Variants in LYRM4 observed in about 807,000 individuals in gnomAD.
The protein encoded by LYRM4 is LYR motif containing 4.
Under a neutral mutation model 11.7 loss-of-function variants are expected in LYRM4, and 9 were observed. The observed-to-expected ratio is 0.77, with a 90% CI of 0.46 to 1.34. The LOEUF (loss-of-function observed/expected upper bound fraction) is 1.34, where lower values mean the gene tolerates loss of function less well. LYRM4 is among the 40% of genes most tolerant of loss of function. The probability of loss-of-function intolerance (pLI) is 0.00; values close to 1 mark genes in which losing one functional copy is unlikely to be tolerated. For missense variants in LYRM4, 133 were observed against 112.5 expected (o/e 1.18, Z -0.82); for synonymous variants, 42 against 40.4 (o/e 1.04, Z -0.15).
At chr6:5,184,781 A>G (rs1028773091) in intron 2 of LYRM4, among the ~76,000 whole-genome samples, 1 of 152,224 alleles carries the variant, frequency 6.6e-6, no homozygotes, top group African/African-American at 2.4e-5. Flanking sequence ...GCTAAAAAAG[A>G]CAGTCCCTGA....
chr6:5,240,661 C>G (rs369485893), intron 1 of LYRM4: 8 of 152,108 alleles, frequency 5.3e-5, no homozygotes, highest in African/African-American at 1.9e-4. Context: ...ATTGTAAACC[C>G]GCAGCAGTAG....
the LYRM4 span, among the ~76,000 whole-genome samples, chr6:5,091,673 A>G: frequency 6.6e-6 from 1 of 152,248 alleles, no homozygotes; most frequent in Non-Finnish European, 1.5e-5. Flanking sequence ...CTTCCTTTTA[A>G]GATTTGCTGG....
chr6:5,187,462 C>T (rs1300809744), intron 2 of LYRM4, among the ~76,000 whole-genome samples: 1 of 152,114 alleles, frequency 6.6e-6, no homozygotes, highest in Admixed American at 6.5e-5. Flanking sequence ...AGTATTTGAC[C>T]ATTAAAAATA....
At chr6:5,077,566 A>G in the LYRM4 span, among the ~76,000 whole-genome samples, 1 of 152,362 alleles carries the variant, frequency 6.6e-6, no homozygotes, top group East Asian at 1.9e-4. Flanking sequence ...GAGTATTTAC[A>G]GTCATCCAAA....
intron 2 of LYRM4, among the ~76,000 whole-genome samples, chr6:5,207,077 A>C (rs1160576819): frequency 6.6e-6 from 1 of 152,222 alleles, no homozygotes; most frequent in East Asian, 1.9e-4. Context: ...ATAGACAGCT[A>C]CTGAGTAAGT....
chr6:5,127,509 C>T (rs1763749644), intron 2 of LYRM4, among the ~76,000 whole-genome samples: 1 of 152,206 alleles, frequency 6.6e-6, no homozygotes, highest in South Asian at 2.1e-4. Flanking sequence ...TAGACTTGTG[C>T]TACTCCATTG....
chr6:5,115,776 A>G (rs1763091338), intron 2 of LYRM4, among the ~76,000 whole-genome samples: 1 of 152,232 alleles, frequency 6.6e-6, no homozygotes, highest in East Asian at 1.9e-4. Context: ...TTCCAGTATG[A>G]CAATTTTATG....
chr6:5,076,276 C>T, the LYRM4 span, among the ~76,000 whole-genome samples: 1 of 151,620 alleles, frequency 6.6e-6, no homozygotes, highest in African/African-American at 2.4e-5. Context: ...CTATTCTGTA[C>T]TTTGTTGGTT....
At chr6:5,099,386 T>G (rs903313488), downstream of LYRM4, among the ~76,000 whole-genome samples, 97 of 127,018 alleles carry the variant, frequency 7.6e-4, 1 homozygote, top group Non-Finnish European at 2.3e-4. This position sits in a 1 kb window ranked among gnomAD's most constrained non-coding sequence, Gnocchi z 4.3. Flanking sequence ...AAAAAAAATC[T>G]ATTTCTCTAT....
chr6:5,131,954 C>A (rs1455907849), intron 2 of LYRM4, among the ~76,000 whole-genome samples: 1 of 121,338 alleles, frequency 8.2e-6, no homozygotes, highest in Non-Finnish European at 1.8e-5. Context: ...ACGCCTTTAT[C>A]TTTAAGCAGT....
chr6:5,055,090 A>G, the LYRM4 span, among the ~76,000 whole-genome samples: 6 of 152,218 alleles, frequency 3.9e-5, no homozygotes, highest in Non-Finnish European at 8.8e-5. The surrounding 1 kb of genome is among the most constrained non-coding windows in gnomAD (Gnocchi z 4.5). Context: ...ACCTTGGCTT[A>G]AGCTCCAGCT....
intron 1 of LYRM4, among the ~76,000 whole-genome samples, chr6:5,225,829 C>T (rs543430726): frequency 6.6e-6 from 1 of 152,314 alleles, no homozygotes; most frequent in African/African-American, 2.4e-5. Flanking sequence ...AAGTTTATGT[C>T]CCCAACATCT....
intron 2 of LYRM4, among the ~76,000 whole-genome samples, chr6:5,179,847 GT>G (rs758915531): frequency 1.3e-5 from 2 of 152,194 alleles, no homozygotes; most frequent in Non-Finnish European, 2.9e-5. Flanking sequence ...GCATTACTAA[GT>G]TGGGTTTTAT....
intron 1 of LYRM4, 133 bp downstream of exon 1, chr6:5,260,515 G>C (rs1428608042): frequency 1.6e-6 from 2 of 1,234,514 alleles, no homozygotes; most frequent in Non-Finnish European, 2.2e-6. Flanking sequence ...CGATGGCGGA[G>C]CCCGGTCCTT....
chr6:5,181,048 A>AT (rs1379082513), intron 2 of LYRM4, among the ~76,000 whole-genome samples: 3 of 152,204 alleles, frequency 2.0e-5, no homozygotes, highest in Non-Finnish European at 4.4e-5. Context: ...TCTTCATTTA[A>AT]TTTTTTGAAA....
At chr6:5,092,327 G>A in the LYRM4 span, among the ~76,000 whole-genome samples, 2 of 152,140 alleles carry the variant, frequency 1.3e-5, no homozygotes, top group Non-Finnish European at 2.9e-5. Context: ...GGTTGTTCTG[G>A]TGCAGGTGAG....
At chr6:5,093,331 C>T in the LYRM4 span, among the ~76,000 whole-genome samples, 2 of 152,188 alleles carry the variant, frequency 1.3e-5, no homozygotes, top group Non-Finnish European at 2.9e-5. Flanking sequence ...GTTCTGAGGC[C>T]AGGGGCTGTC....
the LYRM4 span, chr6:5,086,810 T>G: frequency 1.9e-6 from 1 of 528,478 alleles, no homozygotes; most frequent in Non-Finnish European, 3.3e-6. Flanking sequence ...TTGACCTTCC[T>G]ACAAGGCCTC....
chr6:5,035,094 G>A, the LYRM4 span, among the ~76,000 whole-genome samples: 1 of 152,048 alleles, frequency 6.6e-6, no homozygotes, highest in Non-Finnish European at 1.5e-5. Flanking sequence ...TTCAGCTGAT[G>A]AAAACGTTGT....
Sources: gnomAD v4.1 joint callset for allele counts (sites outside exome capture counted in the v4.1 genomes callset) on GRCh38, gnomAD v4.1.1 for gene constraint, Gnocchi (gnomAD v3.1) non-coding constraint, MANE v1.5 for transcripts, NCBI Gene and HGNC (gene_info 2026-07-23, HGNC 2026-07-21) for gene names.